Variants in HHLA1 observed in about 807,000 individuals in gnomAD.
HHLA1 encodes HHLA1 neighbor of OC90.
Under a neutral mutation model 69.9 loss-of-function variants are expected in HHLA1, and 72 were observed. The observed-to-expected ratio is 1.03, with a 90% confidence interval of 0.85 to 1.25. The LOEUF (loss-of-function observed/expected upper bound fraction) is 1.25. Ranked by LOEUF, HHLA1 falls within the 50% of genes most tolerant of loss-of-function variation. The probability of loss-of-function intolerance (pLI) is 0.00; values close to 1 mark genes in which losing one functional copy is unlikely to be tolerated. For missense variants in HHLA1, 685 were observed against 642.2 expected, an observed-to-expected ratio of 1.07 and a Z score of -0.72; for synonymous variants, 252 against 233.2, an observed-to-expected ratio of 1.08 and a Z score of -0.73.
chr8:132,084,285 C>A (rs1231782973), intron 10 of HHLA1, among the ~76,000 whole-genome samples: 2 of 151,584 alleles, frequency 1.3e-5, no homozygotes, highest in Non-Finnish European at 2.9e-5. Flanking sequence ...CTCGGCCTGG[C>A]GAGGAGCAGC....
At chr8:132,093,478 A>G (rs1586732579) in intron 7 of HHLA1, among the ~76,000 whole-genome samples, 1 of 152,226 alleles carries the variant, frequency 6.6e-6, no homozygotes, top group Non-Finnish European at 1.5e-5. Flanking sequence ...GATCATCCAC[A>G]AAGTCACCTT....
chr8:132,065,271 G>T (rs1211129128), intron 16 of HHLA1, among the ~76,000 whole-genome samples: 1 of 152,176 alleles, frequency 6.6e-6, no homozygotes, highest in Non-Finnish European at 1.5e-5. Context: ...TTTTCCTTCA[G>T]TCAAGAATTT....
rs149256410 is a variant in HHLA1 at position 132,070,381 on chromosome 8, C to T, written c.1469+959G>A. ...TGATTGGTAGGGATTTATGAAAGAA[C>T]TGGAATTTAGATAGACATATCTTCT... On this transcript the variant is annotated intron_variant, in intron 15 of 16. Coordinates refer to ENST00000414222, the MANE Select transcript of HHLA1 (RefSeq NM_001145095.3). 1,083 of 701,958 alleles carry T rather than the reference C, an allele frequency of 1.5e-3. 12 individuals carry two copies. The African/African-American group carries it at 0.017, about 11-fold the overall frequency. 43.5% of individuals were successfully genotyped at this position (701,958 alleles called of 1,614,324 possible).
At chr8:132,110,392 G>A (rs755233010) in intron 1 of HHLA1, among the ~76,000 whole-genome samples, 1 of 152,224 alleles carries the variant, frequency 6.6e-6, no homozygotes, top group Non-Finnish European at 1.5e-5. Flanking sequence ...TCAAACTTAG[G>A]TAGTTTGGTT....
At chr8:132,071,587 C>G in intron 14 of HHLA1, 94 bp from the exon 15 acceptor site, 3 of 1,175,850 alleles carry the variant, frequency 2.6e-6, no homozygotes, top group Middle Eastern at 2.6e-4. Flanking sequence ...ATAGTCTTGT[C>G]CTGATCTCAC....
At chr8:132,074,906 G>C (rs1434357643) in intron 14 of HHLA1, among the ~76,000 whole-genome samples, 1 of 152,084 alleles carries the variant, frequency 6.6e-6, no homozygotes, top group East Asian at 1.9e-4. Context: ...TAAGTAGATA[G>C]AGCTAACAAG....
intron 5 of HHLA1, among the ~76,000 whole-genome samples, chr8:132,097,455 A>G (rs1824043816): frequency 6.6e-6 from 1 of 152,222 alleles, no homozygotes; most frequent in African/African-American, 2.4e-5. Context: ...CTGCATCTAG[A>G]AAATGGGAGT....
chr8:132,110,020 T>C (rs1824269346), intron 1 of HHLA1, among the ~76,000 whole-genome samples: 1 of 151,852 alleles, frequency 6.6e-6, no homozygotes, highest in Non-Finnish European at 1.5e-5. Flanking sequence ...TGAAGGCAAA[T>C]GCTCCAGAGT....
chr8:132,104,836 T>C lies in HHLA1; in HGVS notation c.79+351A>G, dbSNP rs139588549. On this transcript the variant is annotated intron_variant, in intron 2 of 16. Coordinates refer to ENST00000414222, the MANE Select transcript of HHLA1 (RefSeq NM_001145095.3). ...AGAAAAGAGGGAGGAACTTGGAAGA[T>C]GACCTAACAAGATTTATGAAAAGAT... Among the ~76,000 whole-genome samples the C allele has an allele frequency of 3.3e-5, 5 of 152,166 alleles. No individual in the cohort carries two copies. In the East Asian group the frequency reaches 7.7e-4, roughly 24 times the overall value.
chr8:132,085,443 G>C lies in HHLA1; in HGVS notation c.676+2210C>G, dbSNP rs375397816. 11 of 396,824 alleles carry C rather than the reference G, an allele frequency of 2.8e-5. No homozygotes were observed. In the East Asian group the frequency reaches 3.3e-4, roughly 12 times the overall value. The allele number at this position is 396,824 out of a possible 1,614,324, so 24.6% of individuals were successfully genotyped here. The stretch of plus-strand genomic sequence containing the variant: ...GGTGAGATGTTTCTTGGGCTGGTCT[G>C]TCTGAGGACCTGAGGTCGTAGGTGG... On this transcript the variant is annotated intron_variant, in intron 10 of 16. Coordinates refer to ENST00000414222, the MANE Select transcript of HHLA1 (RefSeq NM_001145095.3).
At chr8:132,103,704 A>C (rs9643282) in intron 3 of HHLA1, among the ~76,000 whole-genome samples, 91,071 of 152,000 alleles carry the variant, frequency 0.6, 27,381 homozygotes, top group Admixed American at 0.64. Context: ...AAAAAATTGT[A>C]CTGCTTGTTT....
intron 12 of HHLA1, 108 bp downstream of exon 12, chr8:132,077,618 A>G (rs1432839394): frequency 9.2e-7 from 1 of 1,086,936 alleles, no homozygotes; most frequent in Non-Finnish European, 1.3e-6. Context: ...ATGTTTTCTT[A>G]GTTTTCTGTG....
Position 132,089,534 on chromosome 8 carries a change from A to T in HHLA1, c.514T>A (p.Ser172Thr). The change falls in exon 8 of 17, where the codon TCA becomes ACA. Residue 172 changes from serine to threonine, a missense_variant. By Grantham distance (58) the Ser-to-Thr change is moderately conservative. Transcript: ENST00000414222. ...STSYLTEIFK[S>T]TSILSVNQSN... Reference sequence around the variant, plus strand: ...AACACACCTGAGAGGATGGAGGTTGACTTAAAAATCTCTGTGAGGTAGCTG... The same window carrying T: ...AACACACCTGAGAGGATGGAGGTTGTCTTAAAAATCTCTGTGAGGTAGCTG... The T allele has an allele frequency of 6.6e-7, 1 of 1,522,142 alleles. No homozygotes were observed. Among genetic ancestry groups the T allele is most frequent in the Non-Finnish European group, 8.9e-7 (1 of 1,119,956 alleles). 94.3% of individuals were successfully genotyped at this position (1,522,142 alleles called of 1,614,324 possible). A position where few individuals can be genotyped will look rare whatever the true frequency, so the allele number is the denominator to read the frequency against.
intron 10 of HHLA1, 80 bp downstream of exon 10, chr8:132,087,573 G>T: frequency 1.2e-6 from 1 of 819,296 alleles, no homozygotes; most frequent in Non-Finnish European, 2.0e-6. Context: ...ACACCTGAGG[G>T]CAGCTTTCAG....
At chr8:132,075,044 A>G (rs936823129) in intron 14 of HHLA1, among the ~76,000 whole-genome samples, 1 of 152,154 alleles carries the variant, frequency 6.6e-6, no homozygotes, top group Non-Finnish European at 1.5e-5. Context: ...GTTTTCTAAA[A>G]CTTGATCTCA....
At chr8:132,096,477 T>G (rs1824028471) in intron 5 of HHLA1, among the ~76,000 whole-genome samples, 1 of 152,206 alleles carries the variant, frequency 6.6e-6, no homozygotes, top group Admixed American at 6.5e-5. Flanking sequence ...GTGGATATCT[T>G]TGGCCATTTT....
At position 132,071,397 on chromosome 8, in the gene HHLA1, T is replaced by A. The variant is rs1302921183; in HGVS notation, c.1412A>T (p.Gln471Leu). ...RLNPCLMELCQFFQQCLCMSQ... is the reference protein window; with the variant it reads ...RLNPCLMELCLFFQQCLCMSQ... ...CATGCAGAGGCATTGCTGGAAGAATTGGCACAGCTCCATCAGGCATGGGTT... is the reference window on the plus strand; with the variant it reads ...CATGCAGAGGCATTGCTGGAAGAATAGGCACAGCTCCATCAGGCATGGGTT... The change falls in exon 15 of 17, where the codon CAA becomes CTA. Residue 471 changes from glutamine to leucine, a missense_variant. Transcript: ENST00000414222. 1 of 1,551,692 alleles carries A rather than the reference T, an allele frequency of 6.4e-7. No homozygotes were observed.
intron 15 of HHLA1, among the ~76,000 whole-genome samples, chr8:132,067,298 A>G (rs1043583649): frequency 1.3e-5 from 2 of 152,164 alleles, no homozygotes; most frequent in Non-Finnish European, 2.9e-5. Context: ...AGTATCTTCT[A>G]TGGGATGAAC....
At position 132,063,194 on chromosome 8, in the gene HHLA1, T is replaced by C. The variant is rs1045556885; in HGVS notation, c.*801A>G. 14 of 152,242 alleles carry C rather than the reference T, an allele frequency of 9.2e-5. No individual in the cohort carries two copies. The highest frequency in any genetic ancestry group is 3.4e-4 in the African/African-American group (14 of 41,454). The allele number at this position is 152,242 out of a possible 1,614,324, so 9.4% of individuals were successfully genotyped here. A position where few individuals can be genotyped will look rare whatever the true frequency, so the allele number is the denominator to read the frequency against. On this transcript the variant is annotated 3_prime_UTR_variant, in exon 17 of 17. Transcript: ENST00000414222. ...CTTGTGCCTGGGCTCTCTTGGACTC[T>C]CTCTAGAGGTGCCTTTCACATTTGC... is the stretch of plus-strand genomic sequence containing the variant.
Sources: gnomAD v4.1 joint callset for allele counts (sites outside exome capture counted in the v4.1 genomes callset) on GRCh38, gnomAD v4.1.1 for gene constraint, MANE v1.5 for transcripts, NCBI Gene and HGNC (gene_info 2026-07-23, HGNC 2026-07-21) for gene names.